Variants in EGFLAM observed in about 807,000 individuals in gnomAD.
The protein encoded by EGFLAM is EGF like, fibronectin type III and laminin G domains.
A neutral mutation model predicts 113.1 loss-of-function variants in EGFLAM; 79 were observed. The observed-to-expected ratio is 0.70, with a 90% CI of 0.58 to 0.84. EGFLAM has a LOEUF of 0.84. EGFLAM is among the 40% of genes least tolerant of loss of function. The probability of loss-of-function intolerance (pLI) is 0.00; values close to 1 mark genes in which losing one functional copy is unlikely to be tolerated. For synonymous variants in EGFLAM, 504 were observed against 487.6 expected, an observed-to-expected ratio of 1.03 and a Z score of -0.44; for missense variants, 1,265 against 1,291.6, an observed-to-expected ratio of 0.98 and a Z score of 0.32.
intron 15 of EGFLAM, among the ~76,000 whole-genome samples, chr5:38,433,654 G>C (rs1464006147): frequency 6.6e-6 from 1 of 152,174 alleles, no homozygotes; most frequent in Non-Finnish European, 1.5e-5. Flanking sequence ...CTAGCAGCCA[G>C]CTGCTCTGAA....
At chr5:38,401,819 C>CA (rs1384678646) in intron 6 of EGFLAM, 1 of 152,224 alleles carries the variant, frequency 6.6e-6, no homozygotes, top group Non-Finnish European at 1.5e-5. Context: ...AGAAGATCTA[C>CA]ATACCATCTT....
At chr5:38,399,417 A>G (rs1741047939) in intron 6 of EGFLAM, among the ~76,000 whole-genome samples, 1 of 151,792 alleles carries the variant, frequency 6.6e-6, no homozygotes, top group African/African-American at 2.4e-5. Flanking sequence ...AGGTGGGATC[A>G]CAGACACATG....
At chr5:38,391,171 C>A (rs1033454933) in intron 6 of EGFLAM, among the ~76,000 whole-genome samples, 5 of 151,974 alleles carry the variant, frequency 3.3e-5, no homozygotes, top group Admixed American at 6.6e-5. Flanking sequence ...ATATGGAGAG[C>A]CTACTTTAAT....
At chr5:38,461,822 C>T (rs1743283714) in intron 20 of EGFLAM, among the ~76,000 whole-genome samples, 1 of 152,172 alleles carries the variant, frequency 6.6e-6, no homozygotes, top group Admixed American at 6.5e-5. Context: ...GAACACCTCC[C>T]TCTTCCTGTC....
At position 38,409,359 on chromosome 5, in the gene EGFLAM, G is replaced by A. The variant is rs528384772; in HGVS notation, c.1349+255G>A. The stretch of plus-strand genomic sequence containing the variant: ...TGTAACTGGCTCTGGAGGTGTTGTA[G>A]AGTGTACCTGGTCCTGGGGATGCTG... On this transcript the variant is annotated intron_variant, in intron 10 of 21. Transcript: ENST00000322350. Among the ~76,000 whole-genome samples the A allele has an allele frequency of 3.9e-5, 6 of 152,320 alleles. No individual in the cohort carries two copies. The South Asian group carries it at 1.2e-3, about 32-fold the overall frequency.
Position 38,356,557 on chromosome 5 carries a change from C to G in EGFLAM, c.545+4226C>G, listed in dbSNP as rs145315845. On this transcript the variant is annotated intron_variant, in intron 5 of 21. Transcript: ENST00000322350. Reference sequence around the variant, plus strand: ...AACCGAATTCTCCTGACTTCCGGCCCGGTGCTCTTTTTATGAATCCCCATG... The same window carrying G: ...AACCGAATTCTCCTGACTTCCGGCCGGGTGCTCTTTTTATGAATCCCCATG... Among the ~76,000 whole-genome samples, 167 of 152,254 alleles carry G rather than the reference C, an allele frequency of 1.1e-3. 2 individuals are homozygous for G. The highest frequency in any genetic ancestry group is 3.9e-3 in the African/African-American group (160 of 41,536).
chr5:38,441,908 G>A (rs1346083033), intron 17 of EGFLAM, among the ~76,000 whole-genome samples: 3 of 152,118 alleles, frequency 2.0e-5, no homozygotes, highest in African/African-American at 7.2e-5. Context: ...ACTAGATGGC[G>A]GTGTTTCTCT....
chr5:38,259,602 A>G (rs552240029), intron 1 of EGFLAM, among the ~76,000 whole-genome samples: 1 of 152,350 alleles, frequency 6.6e-6, no homozygotes, highest in East Asian at 1.9e-4. Flanking sequence ...AAAGTAGAAC[A>G]TTCTGAACAA....
intron 13 of EGFLAM, among the ~76,000 whole-genome samples, chr5:38,425,437 G>A (rs1449559438): frequency 6.6e-6 from 1 of 152,174 alleles, no homozygotes. Flanking sequence ...AAAGTGCTGG[G>A]ATTACAGGCG....
chr5:38,333,225 A>T (rs942157137), intron 1 of EGFLAM, among the ~76,000 whole-genome samples: 1 of 152,176 alleles, frequency 6.6e-6, no homozygotes, highest in Non-Finnish European at 1.5e-5. Flanking sequence ...GGTTGATTCC[A>T]CATCTTTGCT....
At chr5:38,348,935 G>T (rs182038211) in intron 3 of EGFLAM, among the ~76,000 whole-genome samples, 8 of 152,274 alleles carry the variant, frequency 5.3e-5, no homozygotes, top group Non-Finnish European at 1.2e-4. Flanking sequence ...TAGACTCCTG[G>T]TTCTGTCCCC....
chr5:38,298,438 T>C lies in EGFLAM; in HGVS notation c.98-39082T>C, dbSNP rs1051604756. On this transcript the variant is annotated intron_variant, in intron 1 of 21. Transcript: ENST00000322350. ...CAAATAGCTCCCTCACTCAGTCCTATTGAGCTCACACTTCCACAAGCCCCA... is the reference window on the plus strand; with the variant it reads ...CAAATAGCTCCCTCACTCAGTCCTACTGAGCTCACACTTCCACAAGCCCCA... Among the ~76,000 whole-genome samples the C allele has an allele frequency of 7.2e-5, 11 of 152,190 alleles. 1 individual carries two copies. The South Asian group carries it at 2.3e-3, about 32-fold the overall frequency.
intron 1 of EGFLAM, among the ~76,000 whole-genome samples, chr5:38,276,172 G>A (rs1225930699): frequency 1.3e-5 from 2 of 152,052 alleles, no homozygotes; most frequent in Non-Finnish European, 2.9e-5. Flanking sequence ...CTTGTGCAGG[G>A]AAACTCCACT....
At chr5:38,270,787 T>C (rs1420024707) in intron 1 of EGFLAM, among the ~76,000 whole-genome samples, 1 of 152,212 alleles carries the variant, frequency 6.6e-6, no homozygotes, top group Admixed American at 6.5e-5. Flanking sequence ...AAGATATACC[T>C]GCAAAAGTAC....
At chr5:38,397,006 C>T (rs1158650251) in intron 6 of EGFLAM, among the ~76,000 whole-genome samples, 1 of 152,144 alleles carries the variant, frequency 6.6e-6, no homozygotes, top group African/African-American at 2.4e-5. Flanking sequence ...CAACACCCCA[C>T]AGGGGTTATG....
rs1033354428 is a variant in EGFLAM, at chr5:38,464,204, G to A, written c.*218G>A. The A allele has an allele frequency of 1.8e-6, 1 of 565,290 alleles. No homozygotes were observed. The highest frequency in any genetic ancestry group is 3.0e-6 in the Non-Finnish European group (1 of 330,018). 35.0% of individuals were successfully genotyped at this position (565,290 alleles called of 1,614,324 possible). ...ACGAGCTGACCCAGCAGAATTCTCT[G>A]TGTAGGAAGCATCGGACTTTGTCCA... On this transcript the variant is annotated 3_prime_UTR_variant, in exon 22 of 22. Coordinates refer to ENST00000322350, the MANE Select transcript of EGFLAM (RefSeq NM_152403.4).
intron 1 of EGFLAM, among the ~76,000 whole-genome samples, chr5:38,299,381 C>T (rs1464911775): frequency 3.3e-5 from 5 of 152,152 alleles, no homozygotes; most frequent in African/African-American, 9.7e-5. Flanking sequence ...GACACTGTGG[C>T]AAGACAGTGA....
intron 1 of EGFLAM, among the ~76,000 whole-genome samples, chr5:38,288,540 T>G (rs931883472): frequency 1.3e-5 from 2 of 152,168 alleles, no homozygotes; most frequent in African/African-American, 4.8e-5. Context: ...TTTGACTGAA[T>G]AGTTCACATT....
intron 6 of EGFLAM, among the ~76,000 whole-genome samples, chr5:38,380,645 A>C (rs1003016317): frequency 5.3e-5 from 8 of 152,230 alleles, no homozygotes; most frequent in South Asian, 2.1e-4. Context: ...TTGAGCGTGA[A>C]TATAACTTCA....
Sources: allele counts gnomAD v4.1 joint callset (sites outside exome capture counted in the v4.1 genomes callset), GRCh38; gene constraint gnomAD v4.1.1; transcripts MANE v1.5; gene names NCBI Gene and HGNC (gene_info 2026-07-23, HGNC 2026-07-21).